TRAT1: variants seen among roughly 807,000 people sequenced by gnomAD.
The protein encoded by TRAT1 is T cell receptor associated transmembrane adaptor 1.
A neutral mutation model predicts 20.0 loss-of-function variants in TRAT1; 20 were observed. The ratio of observed to expected loss-of-function variants is 1.00; its 90% CI spans 0.70 to 1.45. TRAT1 has a LOEUF of 1.45. TRAT1 is among the 40% of genes most tolerant of loss of function. TRAT1 has a pLI of 0.00. For synonymous variants in TRAT1, 77 were observed against 74.2 expected (o/e 1.04, Z -0.20); for missense variants, 237 against 224.1 (o/e 1.06, Z -0.37).
chr3:108,822,856 A>G lies in TRAT1; in HGVS notation c.-72A>G. 7.1e-7 allele frequency: 1 copy of G among 1,407,356 alleles called. No homozygotes were observed. Among genetic ancestry groups the G allele is most frequent in the Non-Finnish European group, 1.0e-6 (1 of 999,508 alleles). 87.2% of individuals were successfully genotyped at this position (1,407,356 alleles called of 1,614,324 possible). A position where few individuals can be genotyped will look rare whatever the true frequency, so the allele number is the denominator to read the frequency against. Reference sequence around the variant, plus strand: ...ACAGAGCAACATCACCTAGGAAAAAAGTTTGTAGGAGGATTTTTAATCCAT... The same window carrying G: ...ACAGAGCAACATCACCTAGGAAAAAGGTTTGTAGGAGGATTTTTAATCCAT... On this transcript the variant is annotated 5_prime_UTR_variant, in exon 1 of 6. Coordinates refer to ENST00000295756, the MANE Select transcript of TRAT1 (RefSeq NM_016388.4).
chr3:108,853,532 T>C, intron 5 of TRAT1, 88 bp from the exon 6 acceptor site: 1 of 1,477,824 alleles, frequency 6.8e-7, no homozygotes, highest in Non-Finnish European at 9.1e-7. Flanking sequence ...AGAAAACAAG[T>C]TACTTGGTTT....
rs78294568 is a variant in TRAT1, at chr3:108,841,859, G to C, written c.152+2892G>C. Among the ~76,000 whole-genome samples, 368 of 152,292 alleles carry C rather than the reference G, an allele frequency of 2.4e-3. 2 individuals carry two copies. The highest frequency in any genetic ancestry group is 7.2e-3 in the African/African-American group (300 of 41,550). On this transcript the variant is annotated intron_variant, in intron 3 of 5. Coordinates refer to ENST00000295756, the MANE Select transcript of TRAT1 (RefSeq NM_016388.4). ...TGGTTTGTGTTAGGAGGATAATACT[G>C]TGAGACTATCATGGATTTGAGATCC...
At chr3:108,845,137 A>T (rs1478181200) in intron 3 of TRAT1, among the ~76,000 whole-genome samples, 1 of 152,158 alleles carries the variant, frequency 6.6e-6, no homozygotes, top group Admixed American at 6.5e-5. Context: ...CCTGAGGTTT[A>T]TTACACATTT....
intron 1 of TRAT1, among the ~76,000 whole-genome samples, chr3:108,830,377 T>A (rs546907097): frequency 1.3e-5 from 2 of 151,756 alleles, no homozygotes; most frequent in African/African-American, 2.4e-5. Flanking sequence ...TGAACAAAAG[T>A]TTTTTATCAG....
At chr3:108,838,836 T>A in intron 2 of TRAT1, 98 bp from the exon 3 acceptor site, 1 of 917,022 alleles carries the variant, frequency 1.1e-6, no homozygotes, top group East Asian at 2.5e-5. Context: ...ATATATTAAT[T>A]GACATTGAGG....
At chr3:108,827,959 A>G (rs1945756870) in intron 1 of TRAT1, among the ~76,000 whole-genome samples, 1 of 152,164 alleles carries the variant, frequency 6.6e-6, no homozygotes, top group Admixed American at 6.6e-5. Flanking sequence ...TGAGAGTCAA[A>G]TTGTCTTCTT....
intron 5 of TRAT1, among the ~76,000 whole-genome samples, chr3:108,853,130 A>G (rs1369653289): frequency 6.6e-6 from 1 of 152,228 alleles, no homozygotes; most frequent in Non-Finnish European, 1.5e-5. Flanking sequence ...TTATCTTTAT[A>G]CTTCTGAATC....
chr3:108,838,247 A>G (rs923368546), intron 2 of TRAT1, among the ~76,000 whole-genome samples: 41 of 152,156 alleles, frequency 2.7e-4, no homozygotes, highest in African/African-American at 9.9e-4. Context: ...TGTGGATGAA[A>G]TGAAGTCATG....
At chr3:108,825,929 A>C (rs1945733940) in intron 1 of TRAT1, among the ~76,000 whole-genome samples, 1 of 152,186 alleles carries the variant, frequency 6.6e-6, no homozygotes, top group African/African-American at 2.4e-5. Context: ...CATATAAATG[A>C]AGTCACTAAA....
Position 108,828,305 on chromosome 3 carries a change from T to C in TRAT1, c.8-2365T>C, listed in dbSNP as rs559385344. On this transcript the variant is annotated intron_variant, in intron 1 of 5. Transcript: ENST00000295756. The stretch of plus-strand genomic sequence containing the variant: ...GAGGCTCATGAGTGCTAGAGATTTA[T>C]TATTATTTTCCATGTATTTATTTAC... Among the ~76,000 whole-genome samples, 145 of 152,268 alleles carry C rather than the reference T, an allele frequency of 9.5e-4. No individual in the cohort carries two copies. In the South Asian group the frequency reaches 0.028, roughly 29 times the overall value.
At position 108,854,710 on chromosome 3, in the gene TRAT1, C is replaced by CAT; in HGVS notation, c.*838_*839dup. ...TTATATTTAACTATATATAAATACG[C>CAT]ATATATTGTAATTTTAATGTCTGCT... On this transcript the variant is annotated 3_prime_UTR_variant, in exon 6 of 6. Transcript: ENST00000295756. The CAT allele has an allele frequency of 6.6e-6, 1 of 152,094 alleles. No individual in the cohort carries two copies. The highest frequency in any genetic ancestry group is 1.5e-5 in the Non-Finnish European group (1 of 67,934). 9.4% of individuals were successfully genotyped at this position (152,094 alleles called of 1,614,324 possible). A position where few individuals can be genotyped will look rare whatever the true frequency, so the allele number is the denominator to read the frequency against.
intron 3 of TRAT1, among the ~76,000 whole-genome samples, chr3:108,842,145 A>C (rs1945901705): frequency 6.6e-6 from 1 of 151,892 alleles, no homozygotes; most frequent in Non-Finnish European, 1.5e-5. Context: ...GCTTATCATG[A>C]CTCCTCAGTT....
In TRAT1 at chr3:108,837,635, G is replaced by A. The variant is rs562928577; in HGVS notation, c.119-1299G>A. Among the ~76,000 whole-genome samples the A allele has an allele frequency of 9.2e-5, 14 of 152,204 alleles. No individual in the cohort carries two copies. In the South Asian group the frequency reaches 2.7e-3, roughly 29 times the overall value. On this transcript the variant is annotated intron_variant, in intron 2 of 5. Transcript: ENST00000295756. ...ATAATCATTTGGTCACTATTTTCTCGTGATTATTGTCAGAGAGTTAGATAA... is the reference window on the plus strand; with the variant it reads ...ATAATCATTTGGTCACTATTTTCTCATGATTATTGTCAGAGAGTTAGATAA...
At chr3:108,826,246 C>G (rs1945738065) in intron 1 of TRAT1, among the ~76,000 whole-genome samples, 1 of 152,172 alleles carries the variant, frequency 6.6e-6, no homozygotes, top group Admixed American at 6.5e-5. Context: ...CAACTGGTGA[C>G]TACTCTCATT....
At chr3:108,844,834 ACT>A (rs1383860377) in intron 3 of TRAT1, among the ~76,000 whole-genome samples, 1 of 115,774 alleles carries the variant, frequency 8.6e-6, no homozygotes, top group Non-Finnish European at 1.7e-5. Context: ...ACAGAGAGAG[ACT>A]CTGTCTCAAA....
chr3:108,839,428 T>TCG, intron 3 of TRAT1: 2 of 153,054 alleles, frequency 1.3e-5, no homozygotes, highest in Non-Finnish European at 2.9e-5. Flanking sequence ...GGTCAGGAGA[T>TCG]GGAGGCCATC....
At position 108,853,746 on chromosome 3, in the gene TRAT1, G is replaced by C; in HGVS notation, c.430G>C (p.Asp144His). The change falls in exon 6 of 6, where the codon GAT becomes CAT. Residue 144 changes from aspartate (D) to histidine (H), a missense_variant. Transcript: ENST00000295756. ...TGGAGATGAGCAACTACATGCAATA[G>C]ATGCCAGCGTTTCTAAGACCACCTT... ...KDGDEQLHAI[D>H]ASVSKTTLVD... 1.2e-6 allele frequency: 2 copies of C among 1,614,128 alleles called. No individual in the cohort carries two copies. Among genetic ancestry groups the C allele is most frequent in the African/African-American group, 2.7e-5 (2 of 75,028 alleles).
chr3:108,826,878 T>G (rs1321747814), intron 1 of TRAT1, among the ~76,000 whole-genome samples: 1 of 152,214 alleles, frequency 6.6e-6, no homozygotes, highest in African/African-American at 2.4e-5. Flanking sequence ...AAGTAAAGGC[T>G]TCTGTGTAAA....
At chr3:108,826,594 C>T (rs1476366975) in intron 1 of TRAT1, among the ~76,000 whole-genome samples, 2 of 152,116 alleles carry the variant, frequency 1.3e-5, no homozygotes. Context: ...GCACCAACCA[C>T]CACCATGGTA....
Sources: allele counts gnomAD v4.1 joint callset (sites outside exome capture counted in the v4.1 genomes callset), GRCh38; gene constraint gnomAD v4.1.1; transcripts MANE v1.5; gene names NCBI Gene and HGNC (gene_info 2026-07-23, HGNC 2026-07-21).